ACOT11: variants seen among roughly 807,000 people sequenced by gnomAD.
The protein encoded by ACOT11 is acyl-CoA thioesterase 11, also known as acyl-coenzyme A thioesterase 11.
ACOT11 carries 69 observed loss-of-function variants against 77.5 expected under a neutral mutation model. The ratio of observed to expected loss-of-function variants is 0.89; its 90% CI spans 0.73 to 1.09. The LOEUF is 1.09. Ranked by LOEUF, ACOT11 falls within the 50% of genes least tolerant of loss-of-function variation. The pLI is 0.00. For synonymous variants in ACOT11, 279 were observed against 313.0 expected, an observed-to-expected ratio of 0.89 and a Z score of 1.15; for missense variants, 766 against 813.7, an observed-to-expected ratio of 0.94 and a Z score of 0.71.
downstream of ACOT11, chr1:54,614,690 G>A (rs769826262): frequency 1.6e-5 from 26 of 1,606,570 alleles, no homozygotes; most frequent in Non-Finnish European, 2.0e-5. Flanking sequence ...ACAGAGAGGC[G>A]AACACTCACT....
chr1:54,574,602 G>A (rs527318641), intron 1 of ACOT11, among the ~76,000 whole-genome samples: 2 of 152,346 alleles, frequency 1.3e-5, no homozygotes, highest in Admixed American at 6.5e-5. Flanking sequence ...AAACCGGTCT[G>A]TGGGGGGTGC....
intron 15 of ACOT11, among the ~76,000 whole-genome samples, chr1:54,626,386 C>T (rs1351550347): frequency 6.6e-6 from 1 of 152,216 alleles, no homozygotes; most frequent in African/African-American, 2.4e-5. Context: ...AAGCCCCATA[C>T]TGATAAGTCT....
intron 2 of ACOT11, among the ~76,000 whole-genome samples, 189 bp downstream of exon 2, chr1:54,585,051 T>C (rs888576406): frequency 2.6e-5 from 4 of 152,150 alleles, no homozygotes; most frequent in African/African-American, 9.7e-5. Flanking sequence ...CACTTTTCTC[T>C]CACTCAGACC....
chr1:54,630,614 T>A (rs1644294053), intron 15 of ACOT11: 2 of 523,610 alleles, frequency 3.8e-6, no homozygotes, highest in Non-Finnish European at 7.0e-6. Context: ...ATGACTGGTT[T>A]GCTGTTAATA....
downstream of ACOT11, chr1:54,611,708 TG>T (rs1557669572): frequency 1.2e-6 from 2 of 1,614,060 alleles, no homozygotes; most frequent in Non-Finnish European, 1.7e-6. Flanking sequence ...TCCACCGACA[TG>T]GGGTCCGAGG....
In ACOT11 at chr1:54,587,330, T is replaced by C. The variant is rs183339983; in HGVS notation, c.311+1426T>C. ...GAGTTCAAGACCAGCCTGGCCAACA[T>C]GGTGAAACCCTGTCTCTACTGAAAA... On this transcript the variant is annotated intron_variant, in intron 3 of 15. Transcript: ENST00000343744. Among the ~76,000 whole-genome samples, 1,315 of 151,886 alleles carry C rather than the reference T, an allele frequency of 8.7e-3. 16 individuals carry two copies. The highest frequency in any genetic ancestry group is 0.03 in the African/African-American group (1,249 of 41,432).
chr1:54,603,535 C>G (rs956544254), intron 10 of ACOT11, among the ~76,000 whole-genome samples: 4 of 152,188 alleles, frequency 2.6e-5, no homozygotes, highest in African/African-American at 9.7e-5. Context: ...CCCCATGAGG[C>G]AGGGGTGACT....
At chr1:54,571,702 A>T (rs1653934407) in intron 1 of ACOT11, among the ~76,000 whole-genome samples, 1 of 152,162 alleles carries the variant, frequency 6.6e-6, no homozygotes, top group South Asian at 2.1e-4. Flanking sequence ...TGTTTTCTTG[A>T]ACACTCCTGG....
chr1:54,579,779 C>T (rs145449362), intron 1 of ACOT11, among the ~76,000 whole-genome samples: 1,859 of 152,290 alleles, frequency 0.012, 35 homozygotes, highest in South Asian at 0.051. Context: ...CAGTTTTGCA[C>T]CCTGGGTTTG....
chr1:54,553,807 T>C (rs1162561605), intron 1 of ACOT11, among the ~76,000 whole-genome samples: 2 of 152,158 alleles, frequency 1.3e-5, no homozygotes, highest in Non-Finnish European at 2.9e-5. Flanking sequence ...TTCCATGAAA[T>C]CAACTTTTTA....
At chr1:54,631,625 T>C (rs1049837227) in intron 16 of ACOT11, among the ~76,000 whole-genome samples, 3 of 152,150 alleles carry the variant, frequency 2.0e-5, no homozygotes, top group African/African-American at 7.2e-5. Flanking sequence ...GATGCACAAG[T>C]GGTCATGCAG....
At chr1:54,617,220 T>C (rs1644182020) in intron 15 of ACOT11, among the ~76,000 whole-genome samples, 1 of 152,162 alleles carries the variant, frequency 6.6e-6, no homozygotes. Flanking sequence ...AATGGGAAGC[T>C]GTCTCTAGAT....
At chr1:54,566,525 A>G (rs1247294922) in intron 1 of ACOT11, among the ~76,000 whole-genome samples, 2 of 151,550 alleles carry the variant, frequency 1.3e-5, no homozygotes, top group Admixed American at 6.6e-5. Context: ...TGTCTGTTCT[A>G]GTTACAGTGG....
At chr1:54,618,469 C>A (rs1343277247) in intron 15 of ACOT11, among the ~76,000 whole-genome samples, 1 of 152,138 alleles carries the variant, frequency 6.6e-6, no homozygotes, top group Non-Finnish European at 1.5e-5. Flanking sequence ...CACACCAGTG[C>A]ACTCCAGCCT....
rs1470761168 is a variant in ACOT11 at position 54,609,037 on chromosome 1, C to T, written c.1710C>T (p.Tyr570=). 4.3e-6 allele frequency: 7 copies of T among 1,614,054 alleles called. No individual in the cohort carries two copies. Among genetic ancestry groups the T allele is most frequent in the Middle Eastern group, 1.6e-4 (1 of 6,084 alleles). ...TNVAGLSSEF[Y]TTFKACEQFL... ...TGGCCGGCCTCTCCTCTGAGTTCTACACCACCTTCAAGGCTTGTGAGCAGT... is the reference window on the plus strand; with the variant it reads ...TGGCCGGCCTCTCCTCTGAGTTCTATACCACCTTCAAGGCTTGTGAGCAGT... The change falls in exon 16 of 16, where the codon TAC becomes TAT. Residue 570 remains tyrosine (Y), a synonymous_variant. Transcript: ENST00000343744.
chr1:54,573,075 A>G lies in ACOT11; in HGVS notation c.34-11580A>G, dbSNP rs1653979565. ...ACACCATCACGGCCTCCTGCAGAGGACATAAGGGTAGACAGGGAGGGGAGC... is the reference window on the plus strand; with the variant it reads ...ACACCATCACGGCCTCCTGCAGAGGGCATAAGGGTAGACAGGGAGGGGAGC... On this transcript the variant is annotated intron_variant, in intron 1 of 15. Coordinates refer to ENST00000343744, the MANE Select transcript of ACOT11 (RefSeq NM_147161.4). 3.0e-6 allele frequency: 3 copies of G among 985,460 alleles called. No homozygotes were observed. In the South Asian group the frequency reaches 1.4e-4, roughly 46 times the overall value. The allele number at this position is 985,460 out of a possible 1,614,324, so 61.0% of individuals were successfully genotyped here.
At chr1:54,568,663 G>A (rs1326407870) in intron 1 of ACOT11, among the ~76,000 whole-genome samples, 1 of 151,852 alleles carries the variant, frequency 6.6e-6, no homozygotes, top group African/African-American at 2.4e-5. Context: ...CATGCCTCTG[G>A]CCCCCAGCAC....
At chr1:54,634,844 A>C in exon 17 of ACOT11, 1 of 613,522 alleles carries the variant, frequency 1.6e-6, no homozygotes, top group Non-Finnish European at 2.9e-6. Flanking sequence ...CATGAGCAAC[A>C]CCCGTCGAAC....
chr1:54,632,799 G>A (rs549691757), intron 16 of ACOT11, among the ~76,000 whole-genome samples: 18 of 152,244 alleles, frequency 1.2e-4, no homozygotes, highest in African/African-American at 2.9e-4. Flanking sequence ...AATTCAACCC[G>A]CTCAATTTAA....
Sources: allele counts gnomAD v4.1 joint callset (sites outside exome capture counted in the v4.1 genomes callset), GRCh38; gene constraint gnomAD v4.1.1; transcripts MANE v1.5; gene names NCBI Gene and HGNC (gene_info 2026-07-23, HGNC 2026-07-21).